B3GALT1: variants seen among roughly 807,000 people sequenced by gnomAD.
B3GALT1 encodes the protein beta-1,3-galactosyltransferase 1, also known as UDP-Gal:betaGlcNAc beta 1,3-galactosyltransferase, polypeptide 1.
In B3GALT1, 10 loss-of-function variants were observed where a neutral mutation model predicts 23.2. The observed-to-expected ratio is 0.43, with a 90% CI of 0.27 to 0.73. The LOEUF (loss-of-function observed/expected upper bound fraction) is 0.73. Ranked by LOEUF, B3GALT1 falls within the 30% of genes least tolerant of loss-of-function variation. The pLI is 0.21. For missense variants in B3GALT1, 299 were observed against 405.4 expected (o/e 0.74, Z 2.25); for synonymous variants, 156 against 141.5 (o/e 1.10, Z -0.73).
chr2:167,569,700 G>A (rs375926107), intron 2 of B3GALT1, among the ~76,000 whole-genome samples: 3 of 151,790 alleles, frequency 2.0e-5, no homozygotes, highest in East Asian at 3.9e-4. Context: ...GCACAGTCTT[G>A]AAAAGGAGTG....
rs549297293 is a variant in B3GALT1, at chr2:167,565,588, C to A, written c.-410+75311C>A. ...AACAGGCAACCTACAAAATGGGAGA[C>A]AATTTTCGCAACCTACTCATCTGAC... On this transcript the variant is annotated intron_variant, in intron 2 of 4. Transcript: ENST00000392690. 3.3e-3 allele frequency among the ~76,000 whole-genome samples: 507 copies of A among 152,060 alleles called. 2 individuals carry two copies. Among genetic ancestry groups the A allele is most frequent in the Non-Finnish European group, 3.9e-3 (262 of 67,978 alleles).
At chr2:167,319,845 C>T (rs73015837) in intron 1 of B3GALT1, among the ~76,000 whole-genome samples, 1,769 of 152,166 alleles carry the variant, frequency 0.012, 26 homozygotes, top group Admixed American at 0.034. Flanking sequence ...TTATGATTAC[C>T]GCCATTGGAT....
Position 167,864,677 on chromosome 2 carries a change from A to G in B3GALT1, c.-229-4134A>G, listed in dbSNP as rs183665206. The stretch of plus-strand genomic sequence containing the variant: ...TATTGCCTATGTCTCAACAGGCCTT[A>G]GGAAGCTTGGAAGTGGCTATTTATG... On this transcript the variant is annotated intron_variant, in intron 4 of 4. Coordinates refer to ENST00000392690, the MANE Select transcript of B3GALT1 (RefSeq NM_020981.4). 1.3e-4 allele frequency among the ~76,000 whole-genome samples: 20 copies of G among 152,330 alleles called. No homozygotes were observed. In the East Asian group the frequency reaches 3.9e-3, roughly 29 times the overall value.
chr2:167,700,086 A>G (rs935043066), intron 3 of B3GALT1, among the ~76,000 whole-genome samples: 1 of 152,134 alleles, frequency 6.6e-6, no homozygotes, highest in African/African-American at 2.4e-5. Context: ...CATCTTTACC[A>G]AAAAATTTTA....
intron 1 of B3GALT1, among the ~76,000 whole-genome samples, chr2:167,346,068 A>G (rs943870095): frequency 6.6e-6 from 1 of 151,854 alleles, no homozygotes; most frequent in African/African-American, 2.4e-5. Flanking sequence ...CATTCTATGA[A>G]TGGTAACTTA....
chr2:167,843,531 T>A (rs1218790719), intron 4 of B3GALT1, among the ~76,000 whole-genome samples: 1 of 152,194 alleles, frequency 6.6e-6, no homozygotes, highest in African/African-American at 2.4e-5. Context: ...GCCGCTATGG[T>A]GCTGGAGACA....
At chr2:167,745,691 T>C (rs1270091717) in intron 3 of B3GALT1, among the ~76,000 whole-genome samples, 1 of 152,190 alleles carries the variant, frequency 6.6e-6, no homozygotes, top group Non-Finnish European at 1.5e-5. Flanking sequence ...TTTCTCTCTG[T>C]TATGTTGAAA....
chr2:167,793,432 G>A (rs1688481044), intron 3 of B3GALT1, among the ~76,000 whole-genome samples: 1 of 152,122 alleles, frequency 6.6e-6, no homozygotes, highest in South Asian at 2.1e-4. Flanking sequence ...CCTGGATCAC[G>A]GGGAGGGTAC....
At chr2:167,817,282 A>T (rs1010558093) in intron 3 of B3GALT1, among the ~76,000 whole-genome samples, 2 of 152,232 alleles carry the variant, frequency 1.3e-5, no homozygotes, top group African/African-American at 2.4e-5. Flanking sequence ...TGTGGAGATG[A>T]TGACAGATAA....
chr2:167,506,949 A>T, intron 2 of B3GALT1, among the ~76,000 whole-genome samples: 1 of 152,198 alleles, frequency 6.6e-6, no homozygotes, highest in East Asian at 1.9e-4. Flanking sequence ...GGACAAGACT[A>T]TGGAAGCCTT....
intron 1 of B3GALT1, among the ~76,000 whole-genome samples, chr2:167,303,074 A>G: frequency 6.6e-6 from 1 of 152,322 alleles, no homozygotes; most frequent in South Asian, 2.1e-4. Context: ...GCAAATAATA[A>G]AAATATTGGA....
At chr2:167,497,545 G>A (rs1185911948) in intron 2 of B3GALT1, among the ~76,000 whole-genome samples, 1 of 152,070 alleles carries the variant, frequency 6.6e-6, no homozygotes, top group Non-Finnish European at 1.5e-5. Context: ...TCTGCTTCAG[G>A]CTAGATTGAA....
At chr2:167,488,363 A>G (rs1447378869) in intron 1 of B3GALT1, among the ~76,000 whole-genome samples, 1 of 152,204 alleles carries the variant, frequency 6.6e-6, no homozygotes, top group Non-Finnish European at 1.5e-5. Flanking sequence ...AACAGACTCT[A>G]ATGTCTGTGA....
chr2:167,496,993 A>G (rs950072423), intron 2 of B3GALT1, among the ~76,000 whole-genome samples: 4 of 152,242 alleles, frequency 2.6e-5, no homozygotes. Flanking sequence ...AACATGGCAC[A>G]TGTATACATA....
intron 3 of B3GALT1, among the ~76,000 whole-genome samples, chr2:167,746,432 C>T (rs1193697629): frequency 1.3e-5 from 2 of 152,186 alleles, no homozygotes; most frequent in African/African-American, 2.4e-5. Flanking sequence ...TTTTTTCTCA[C>T]ATCTGTGACA....
At chr2:167,405,012 A>G (rs1337080881) in intron 1 of B3GALT1, among the ~76,000 whole-genome samples, 1 of 152,196 alleles carries the variant, frequency 6.6e-6, no homozygotes, top group Non-Finnish European at 1.5e-5. Flanking sequence ...TAATTATTTT[A>G]TCCCCACCAT....
intron 1 of B3GALT1, among the ~76,000 whole-genome samples, chr2:167,355,132 A>T (rs1376865472): frequency 6.6e-6 from 1 of 152,200 alleles, no homozygotes; most frequent in African/African-American, 2.4e-5. Flanking sequence ...TGCTGTTGCT[A>T]CCTATAAAGT....
At chr2:167,294,031 C>T (rs1696304212) in intron 1 of B3GALT1, among the ~76,000 whole-genome samples, 1 of 152,182 alleles carries the variant, frequency 6.6e-6, no homozygotes, top group Non-Finnish European at 1.5e-5. Flanking sequence ...TTCTGGAGCG[C>T]AGACTTGAGG....
At chr2:167,502,777 C>G (rs1214088963) in intron 2 of B3GALT1, among the ~76,000 whole-genome samples, 5 of 152,160 alleles carry the variant, frequency 3.3e-5, no homozygotes, top group Non-Finnish European at 5.9e-5. Context: ...CTGTGGCTCA[C>G]GCCTGTAATC....
Sources: allele counts gnomAD v4.1 joint callset (sites outside exome capture counted in the v4.1 genomes callset), GRCh38; gene constraint gnomAD v4.1.1; transcripts MANE v1.5; gene names NCBI Gene and HGNC (gene_info 2026-07-23, HGNC 2026-07-21).